Variants in PRKAA1 observed in about 807,000 individuals in gnomAD.
PRKAA1 encodes the protein 5'-AMP-activated protein kinase catalytic subunit alpha-1.
PRKAA1 carries 23 observed loss-of-function variants against 56.9 expected under a neutral mutation model. The observed-to-expected ratio is 0.40, with a 90% CI of 0.29 to 0.57. PRKAA1 has a LOEUF of 0.57. Among genes scored for constraint, PRKAA1 ranks in the 20% least tolerant of loss-of-function variants. The probability of loss-of-function intolerance (pLI) is 0.39; values close to 1 mark genes in which losing one functional copy is unlikely to be tolerated. For missense variants in PRKAA1, 413 were observed against 679.7 expected (o/e 0.61, Z 4.36); for synonymous variants, 226 against 227.0 (o/e 1.00, Z 0.04).
At chr5:40,776,374 T>G (rs969072245) in intron 2 of PRKAA1, among the ~76,000 whole-genome samples, 5 of 152,224 alleles carry the variant, frequency 3.3e-5, no homozygotes, top group African/African-American at 1.2e-4. Context: ...AGAGTTCATT[T>G]TGGGCCGGGT....
At chr5:40,795,884 G>C (rs1283628418) in intron 1 of PRKAA1, among the ~76,000 whole-genome samples, 2 of 152,206 alleles carry the variant, frequency 1.3e-5, no homozygotes, top group Non-Finnish European at 2.9e-5. Context: ...AAGTTAGTGT[G>C]GGTGGGGAAG....
intron 1 of PRKAA1, among the ~76,000 whole-genome samples, chr5:40,788,642 A>T (rs1429605258): frequency 1.3e-5 from 2 of 152,142 alleles, no homozygotes. Flanking sequence ...AGCCTGACCA[A>T]CATGGTGAAG....
chr5:40,785,835 C>CAGAGAGAGAGAG (rs765908317), intron 1 of PRKAA1, among the ~76,000 whole-genome samples: 46 of 142,118 alleles, frequency 3.2e-4, no homozygotes, highest in African/African-American at 1.0e-3. Flanking sequence ...CACACACACA[C>CAGAGAGAGAGAG]ACACAGAGAG....
intron 1 of PRKAA1, among the ~76,000 whole-genome samples, chr5:40,785,841 G>C (rs1294066882): frequency 2.4e-3 from 33 of 14,036 alleles, no homozygotes; most frequent in Admixed American, 9.9e-3. Flanking sequence ...CACACACACA[G>C]AGAGAGAGAG....
chr5:40,792,773 C>A (rs1001680902), intron 1 of PRKAA1, among the ~76,000 whole-genome samples: 10 of 152,014 alleles, frequency 6.6e-5, no homozygotes, highest in African/African-American at 2.4e-4. Flanking sequence ...GAAATACTTA[C>A]GAACTTAGGC....
intron 3 of PRKAA1, among the ~76,000 whole-genome samples, chr5:40,774,549 ATTTTTTTTT>A (rs34814119): frequency 4.0e-4 from 50 of 125,080 alleles, no homozygotes; most frequent in African/African-American, 9.5e-4. Flanking sequence ...TCCAGGCAGA[ATTTTTTTTT>A]TTTTTTTTTT....
At chr5:40,793,684 T>G (rs900674409) in intron 1 of PRKAA1, among the ~76,000 whole-genome samples, 1 of 152,238 alleles carries the variant, frequency 6.6e-6, no homozygotes, top group African/African-American at 2.4e-5. Flanking sequence ...ATTACCAACA[T>G]CACCACAATA....
At position 40,788,889 on chromosome 5, in the gene PRKAA1, C is replaced by T. The variant is rs530063767; in HGVS notation, c.127+9174G>A. On this transcript the variant is annotated intron_variant, in intron 1 of 8. Coordinates refer to ENST00000397128, the MANE Select transcript of PRKAA1 (RefSeq NM_006251.6). Reference sequence around the variant, plus strand: ...AGAGACAACCCAAAGACTGAGAAAACGTATTTACAAATCATGCATCAGATA... The same window carrying T: ...AGAGACAACCCAAAGACTGAGAAAATGTATTTACAAATCATGCATCAGATA... Among the ~76,000 whole-genome samples the T allele has an allele frequency of 8.6e-5, 13 of 151,624 alleles. No homozygotes were observed. The South Asian group carries it at 1.5e-3, about 17-fold the overall frequency.
chr5:40,781,634 A>C (rs960958911), intron 1 of PRKAA1, among the ~76,000 whole-genome samples: 8 of 152,220 alleles, frequency 5.3e-5, no homozygotes, highest in African/African-American at 1.9e-4. Context: ...CAAATGAAAA[A>C]AATGAGATAA....
chr5:40,789,238 CA>C (rs776684328), intron 1 of PRKAA1, among the ~76,000 whole-genome samples: 14 of 151,906 alleles, frequency 9.2e-5, no homozygotes, highest in Non-Finnish European at 1.5e-4. Flanking sequence ...AAAAGACAAA[CA>C]AATGGCCAAC....
At chr5:40,776,607 T>C (rs1744015458) in intron 2 of PRKAA1, among the ~76,000 whole-genome samples, 1 of 152,220 alleles carries the variant, frequency 6.6e-6, no homozygotes, top group Non-Finnish European at 1.5e-5. Context: ...CTTTAAGTTA[T>C]TGCCTGCATA....
chr5:40,797,229 A>G (rs1201064899), intron 1 of PRKAA1, among the ~76,000 whole-genome samples: 2 of 152,222 alleles, frequency 1.3e-5, no homozygotes, highest in Non-Finnish European at 2.9e-5. Flanking sequence ...TTCTTAAAAC[A>G]AAAGTTCGAA....
In PRKAA1 at chr5:40,764,626, A is replaced by G; in HGVS notation, c.1323T>C (p.Tyr441=). Residue 441 remains tyrosine, a synonymous_variant, in exon 8 of 9, where the codon TAT becomes TAC. Transcript: ENST00000397128. ...GATTCTTCCTTCGTACACGCAAATA[A>G]TATGGGTTTACAACCTAGCACATGG... ...LDYEWKVVNP[Y]YLRVRRKNPV... 6.2e-7 allele frequency: 1 copy of G among 1,614,000 alleles called. No homozygotes were observed. Among genetic ancestry groups the G allele is most frequent in the Non-Finnish European group, 8.5e-7 (1 of 1,179,950 alleles).
intron 1 of PRKAA1, among the ~76,000 whole-genome samples, chr5:40,796,048 GGCTCAC>G (rs1268884930): frequency 6.6e-6 from 1 of 152,240 alleles, no homozygotes; most frequent in Non-Finnish European, 1.5e-5. Context: ...CGGGCACAGT[GGCTCAC>G]GCCTGTAATC....
Position 40,771,879 on chromosome 5 carries a change from G to C in PRKAA1, c.364-16C>G, listed in dbSNP as rs1165718458. The C allele has an allele frequency of 5.6e-6, 9 of 1,606,618 alleles. No homozygotes were observed. In the East Asian group the frequency reaches 2.0e-4, roughly 36 times the overall value. Reference sequence around the variant, plus strand: ...TTTCATCCAGCTAAGAAAAGTTAGAGAGGCTTTTTAAAGGTGTGTCTTTCA... The same window carrying C: ...TTTCATCCAGCTAAGAAAAGTTAGACAGGCTTTTTAAAGGTGTGTCTTTCA... On this transcript the variant is annotated splice_polypyrimidine_tract_variant and intron_variant, in intron 3 of 8. Transcript: ENST00000397128.
Position 40,777,536 on chromosome 5 carries a change from G to A in PRKAA1, c.178C>T (p.Arg60Ter), listed in dbSNP as rs754248249. The A allele has an allele frequency of 5.6e-6, 9 of 1,613,368 alleles. No individual in the cohort carries two copies. Among genetic ancestry groups the A allele is most frequent in the South Asian group, 1.1e-5 (1 of 91,044 alleles). ...ACATCAAGGCTCCGAATCTTCTGTC[G>A]ATTGAGTATCTTCACAGCTACTTTA... ...GHKVAVKILN[R>*]QKIRSLDVVG... is the part of the protein sequence containing the mutation. Residue 60 changes from arginine (R) to a stop codon, truncating the protein, a stop_gained, in exon 2 of 9, where the codon CGA (arginine) becomes TGA (stop). Transcript: ENST00000397128. LOFTEE classifies it high-confidence loss of function.
chr5:40,783,161 T>C (rs3805492), intron 1 of PRKAA1, among the ~76,000 whole-genome samples: 33,330 of 151,944 alleles, frequency 0.22, 4,451 homozygotes, highest in Admixed American at 0.38. Context: ...TTCTAAGAAT[T>C]TGATTTAAAA....
chr5:40,773,323 A>G (rs1397744072), intron 3 of PRKAA1, among the ~76,000 whole-genome samples: 1 of 143,840 alleles, frequency 7.0e-6, no homozygotes, highest in East Asian at 2.1e-4. Flanking sequence ...ATAGGAGAAA[A>G]CTTGATTAAA....
At chr5:40,767,172 T>C (rs1743498908) in intron 6 of PRKAA1, among the ~76,000 whole-genome samples, 1 of 152,178 alleles carries the variant, frequency 6.6e-6, no homozygotes, top group African/African-American at 2.4e-5. Flanking sequence ...CACCAATCTT[T>C]CATTAGCTTT....
Sources: allele counts gnomAD v4.1 joint callset (sites outside exome capture counted in the v4.1 genomes callset), GRCh38; gene constraint gnomAD v4.1.1; transcripts MANE v1.5; gene names NCBI Gene and HGNC (gene_info 2026-07-23, HGNC 2026-07-21).